The following RBBP8 variants were observed in gnomAD, a reference collection of about 807,000 sequenced individuals.
The protein encoded by RBBP8 is DNA endonuclease RBBP8.
RBBP8 carries 88 observed loss-of-function variants against 108.3 expected under a neutral mutation model. The observed-to-expected ratio is 0.81, with a 90% confidence interval of 0.68 to 0.97. The LOEUF is 0.97. RBBP8 is among the 50% of genes least tolerant of loss of function. The pLI is 0.00. For synonymous variants in RBBP8, 332 were observed against 348.2 expected (o/e 0.95, Z 0.52); for missense variants, 1,023 against 1,049.0 (o/e 0.98, Z 0.34).
At chr18:22,949,761 TAAG>T in intron 4 of RBBP8, 48 bp downstream of exon 4, 1 of 1,341,532 alleles carries the variant, frequency 7.5e-7, no homozygotes, top group Non-Finnish European at 1.1e-6. Flanking sequence ...TCCTCCATAA[TAAG>T]AAGTACATTG....
intron 3 of RBBP8, among the ~76,000 whole-genome samples, chr18:22,919,566 T>G (rs940384021): frequency 6.6e-6 from 1 of 152,162 alleles, no homozygotes; most frequent in Admixed American, 6.6e-5. Context: ...TCTTTTTTTC[T>G]TTTTTTGAGA....
intron 4 of RBBP8, among the ~76,000 whole-genome samples, chr18:22,961,351 C>T (rs1012459467): frequency 2.0e-5 from 3 of 152,164 alleles, no homozygotes; most frequent in Admixed American, 1.3e-4. Context: ...GTAATGAGTG[C>T]TGATGATGAA....
chr18:22,943,855 C>T (rs1911309155), intron 2 of RBBP8, among the ~76,000 whole-genome samples: 1 of 152,074 alleles, frequency 6.6e-6, no homozygotes, highest in African/African-American at 2.4e-5. Flanking sequence ...GGAATTCTTG[C>T]CTCATTTCTG....
intron 2 of RBBP8, among the ~76,000 whole-genome samples, chr18:22,944,242 A>G (rs1911354492): frequency 6.6e-6 from 1 of 152,260 alleles, no homozygotes; most frequent in South Asian, 2.1e-4. Flanking sequence ...ACGTGACAGA[A>G]CAAATGCCTC....
intron 14 of RBBP8, 38 bp downstream of exon 14, chr18:22,997,772 CGTTGTGTGAAGTTTGTA>C (rs2045885884): frequency 1.5e-6 from 2 of 1,377,804 alleles, no homozygotes; most frequent in East Asian, 4.9e-5. Context: ...TTTTTAATAA[CGTTGTGTGAAGTTTGTA>C]GTTGTACCAT....
At chr18:22,969,024 C>T (rs1382418499) in intron 5 of RBBP8, 106 bp downstream of exon 5, 2 of 854,806 alleles carry the variant, frequency 2.3e-6, no homozygotes, top group Non-Finnish European at 3.7e-6. Context: ...TATATTTTTC[C>T]TTATTTAGTA....
chr18:23,011,489 T>C (rs1598742278), intron 16 of RBBP8, among the ~76,000 whole-genome samples: 2 of 147,136 alleles, frequency 1.4e-5, no homozygotes, highest in South Asian at 4.3e-4. Context: ...CAGGCTGGAG[T>C]GCAGTGGTGC....
chr18:22,970,780 A>T (rs1914017551), intron 5 of RBBP8, among the ~76,000 whole-genome samples: 1 of 152,112 alleles, frequency 6.6e-6, no homozygotes, highest in Admixed American at 6.5e-5. Flanking sequence ...TTATGGAAGG[A>T]TTATTACACT....
chr18:22,978,086 C>T (rs919031516), intron 6 of RBBP8, among the ~76,000 whole-genome samples: 4 of 152,098 alleles, frequency 2.6e-5, no homozygotes, highest in African/African-American at 4.8e-5. Flanking sequence ...AATGTTACTT[C>T]GTTAAGTTTA....
Position 22,980,965 on chromosome 18 carries a change from C to CTTTTTTTTTTTTTTTTT in RBBP8, c.429-1244_429-1228dup, listed in dbSNP as rs1167377654. ...AATTGTAGGTGTGAGCCACTTATGT[C>CTTTTTTTTTTTTTTTTT]TTTTTTTTTTTTTTTTTTTTTTTTT... On this transcript the variant is annotated intron_variant, in intron 6 of 18. Coordinates refer to ENST00000327155, the MANE Select transcript of RBBP8 (RefSeq NM_002894.3). Among the ~76,000 whole-genome samples, 2 of 69,490 alleles carry CTTTTTTTTTTTTTTTTT rather than the reference C, an allele frequency of 2.9e-5. 1 individual carries two copies. The highest frequency in any genetic ancestry group is 5.2e-5 in the Non-Finnish European group (2 of 38,612). 45.6% of individuals were successfully genotyped at this position (69,490 alleles called of 152,430 possible).
At chr18:22,925,472 T>C (rs542402478) in intron 3 of RBBP8, among the ~76,000 whole-genome samples, 1 of 152,338 alleles carries the variant, frequency 6.6e-6, no homozygotes, top group Non-Finnish European at 1.5e-5. Flanking sequence ...AACAAAGTCT[T>C]TTTTCTCAAG....
intron 3 of RBBP8, among the ~76,000 whole-genome samples, chr18:22,947,290 T>G (rs1911643026): frequency 6.6e-6 from 1 of 152,090 alleles, no homozygotes; most frequent in South Asian, 2.1e-4. Context: ...CAAAGTTTCT[T>G]TGTAGAGGGT....
chr18:22,981,726 T>G (rs1453014137), intron 6 of RBBP8, among the ~76,000 whole-genome samples: 1 of 152,226 alleles, frequency 6.6e-6, no homozygotes, highest in Non-Finnish European at 1.5e-5. Context: ...TTGCCTGGAC[T>G]ATTATAGCCA....
At position 22,993,245 on chromosome 18, in the gene RBBP8, T is replaced by C. The variant is rs147595547; in HGVS notation, c.1418T>C (p.Phe473Ser). The C allele has an allele frequency of 1.3e-5, 21 of 1,614,116 alleles. No homozygotes were observed. Among genetic ancestry groups the C allele is most frequent in the Non-Finnish European group, 1.7e-5 (20 of 1,180,050 alleles). ...ASFDKENAFP[F>S]PMDNQFSMNG... ...TTTGATAAAGAAAATGCTTTCCCTT[T>C]TCCAATGGATAATCAGTTTTCCATG... The change falls in exon 11 of 19, where the codon TTT (phenylalanine) becomes TCT (serine). Residue 473 changes from phenylalanine (F) to serine (S), a missense_variant. Physicochemically the swap from Phe to Ser is radical, Grantham distance 155 (BLOSUM62 -2). Coordinates refer to ENST00000327155, the MANE Select transcript of RBBP8 (RefSeq NM_002894.3).
Position 23,022,125 on chromosome 18 carries a change from T to C in RBBP8, c.2455-4T>C. The C allele has an allele frequency of 6.3e-7, 1 of 1,590,436 alleles. No homozygotes were observed. Among genetic ancestry groups the C allele is most frequent in the African/African-American group, 1.3e-5 (1 of 74,470 alleles). On this transcript the variant is annotated splice_region_variant and splice_polypyrimidine_tract_variant and intron_variant, in intron 17 of 18. Transcript: ENST00000327155. ...TGAAAAAACTTACCAGTTTTTATTA[T>C]TAGTATTATGCAGATATGCCAGCAG...
intron 14 of RBBP8, among the ~76,000 whole-genome samples, chr18:22,998,563 C>T (rs1211661809): frequency 1.3e-5 from 2 of 152,182 alleles, no homozygotes; most frequent in African/African-American, 4.8e-5. Context: ...TATTGAAGAG[C>T]GAGGGCCTGC....
In RBBP8 at chr18:23,023,869, C is replaced by CTTTTTT. The variant is rs10655759; in HGVS notation, c.2596+1615_2596+1620dup. Among the ~76,000 whole-genome samples the CTTTTTT allele has an allele frequency of 1.1e-3, 93 of 86,116 alleles. 5 individuals carry two copies. Among genetic ancestry groups the CTTTTTT allele is most frequent in the African/African-American group, 1.3e-3 (29 of 21,534 alleles). The allele number at this position is 86,116 out of a possible 152,430, so 56.5% of individuals were successfully genotyped here. On this transcript the variant is annotated intron_variant, in intron 18 of 18. Transcript: ENST00000327155. ...TAATAGCTAGTTTTTATGAAGGGGCCTTTTTTTTTTTTTTTTTTTTTGAGA... is the reference window on the plus strand; with the variant it reads ...TAATAGCTAGTTTTTATGAAGGGGCCTTTTTTTTTTTTTTTTTTTTTTTTTTTGAGA...
chr18:22,923,903 T>A (rs951157133), intron 3 of RBBP8, among the ~76,000 whole-genome samples: 1 of 152,162 alleles, frequency 6.6e-6, no homozygotes, highest in Non-Finnish European at 1.5e-5. Flanking sequence ...CAAATGTACA[T>A]ATCTATTACA....
At chr18:23,024,068 A>G (rs1262404801) in intron 18 of RBBP8, among the ~76,000 whole-genome samples, 4 of 122,388 alleles carry the variant, frequency 3.3e-5, no homozygotes, top group African/African-American at 1.2e-4. Context: ...TTTTTCTAGT[A>G]GAGACGGGGT....
Sources: allele counts gnomAD v4.1 joint callset (sites outside exome capture counted in the v4.1 genomes callset), GRCh38; gene constraint gnomAD v4.1.1; transcripts MANE v1.5; gene names NCBI Gene and HGNC (gene_info 2026-07-23, HGNC 2026-07-21).